Variants in SEC63 observed in about 807,000 individuals in gnomAD.
SEC63 encodes translocation protein SEC63 homolog.
SEC63 carries 56 observed loss-of-function variants against 116.2 expected under a neutral mutation model. The ratio of observed to expected loss-of-function variants is 0.48; its 90% confidence interval spans 0.39 to 0.60. SEC63 has a LOEUF of 0.60. Among genes scored for constraint, SEC63 ranks in the 20% least tolerant of loss-of-function variants. The pLI is 0.00. For missense variants in SEC63, 668 were observed against 900.0 expected (o/e 0.74, Z 3.30); for synonymous variants, 273 against 294.6 (o/e 0.93, Z 0.75).
chr6:107,933,170 A>G (rs950392107), intron 1 of SEC63, among the ~76,000 whole-genome samples: 1 of 152,186 alleles, frequency 6.6e-6, no homozygotes, highest in Non-Finnish European at 1.5e-5. Context: ...CACAAGCTAA[A>G]AAAATACAGG....
rs142078748 is a variant in SEC63, at chr6:107,914,824, T to C, written c.453-1397A>G. 3.5e-3 allele frequency among the ~76,000 whole-genome samples: 530 copies of C among 152,300 alleles called. 1 individual carries two copies. The highest frequency in any genetic ancestry group is 0.017 in the Middle Eastern group (5 of 294). ...CTGTCCCCTTCTGCCTTTGTGATTATGCAAAACAAACTGCTCTGTCCTCTA... is the reference window on the plus strand; with the variant it reads ...CTGTCCCCTTCTGCCTTTGTGATTACGCAAAACAAACTGCTCTGTCCTCTA... On this transcript the variant is annotated intron_variant, in intron 4 of 20. Coordinates refer to ENST00000369002, the MANE Select transcript of SEC63 (RefSeq NM_007214.5).
intron 1 of SEC63, among the ~76,000 whole-genome samples, chr6:107,951,037 T>C (rs754793605): frequency 6.6e-6 from 1 of 152,294 alleles, no homozygotes; most frequent in Admixed American, 6.5e-5. Flanking sequence ...TAAACAAAAT[T>C]ATGCACTTAC....
rs575290809 is a variant in SEC63 at position 107,920,206 on chromosome 6, G to A, written c.452+1591C>T. Among the ~76,000 whole-genome samples, 23 of 151,864 alleles carry A rather than the reference G, an allele frequency of 1.5e-4. No homozygotes were observed. The East Asian group carries it at 1.9e-3, about 13-fold the overall frequency. On this transcript the variant is annotated intron_variant, in intron 4 of 20. Coordinates refer to ENST00000369002, the MANE Select transcript of SEC63 (RefSeq NM_007214.5). ...TGGGAGGCCGAGGCGGGAGGATCAC[G>A]ACGTCAGGAAATCGAGACCATCCTG...
At position 107,957,986 on chromosome 6, in the gene SEC63, G is replaced by A. The variant is rs1185050144; in HGVS notation, c.24C>T (p.Tyr8=). The change falls in exon 1 of 21, where the codon TAC becomes TAT. Residue 8 remains tyrosine (Y), a synonymous_variant. Transcript: ENST00000369002. ...AGAAGAAGGTGTTCCCACTGTCATC[G>A]TACTGGAACTGCTGCCCGGCCATGG... MAGQQFQ[Y]DDSGNTFFYF... The A allele has an allele frequency of 6.2e-7, 1 of 1,613,318 alleles. No individual in the cohort carries two copies. The highest frequency in any genetic ancestry group is 8.5e-7 in the Non-Finnish European group (1 of 1,179,576).
At chr6:107,935,975 T>C (rs73499194) in intron 1 of SEC63, among the ~76,000 whole-genome samples, 6,076 of 152,276 alleles carry the variant, frequency 0.04, 396 homozygotes, top group African/African-American at 0.14. Context: ...CTTTTGAAAA[T>C]ACCACTAGTG....
At chr6:107,921,342 A>G (rs1043316923) in intron 4 of SEC63, among the ~76,000 whole-genome samples, 1 of 152,220 alleles carries the variant, frequency 6.6e-6, no homozygotes, top group Non-Finnish European at 1.5e-5. Flanking sequence ...AAATTAAATT[A>G]CCACGTTAGT....
intron 16 of SEC63, among the ~76,000 whole-genome samples, chr6:107,885,634 A>G (rs78660959): frequency 0.013 from 2,013 of 152,294 alleles, 88 homozygotes; most frequent in East Asian, 0.11. Flanking sequence ...TTTTGGGGGG[A>G]AAATTGTTAA....
At chr6:107,906,353 G>C in intron 10 of SEC63, 95 bp downstream of exon 10, 10 of 1,311,338 alleles carry the variant, frequency 7.6e-6, no homozygotes, top group Non-Finnish European at 9.9e-6. Context: ...TTTCTTTAGA[G>C]CAATGCGAGA....
At chr6:107,957,740 A>G (rs1770739352) in intron 1 of SEC63, 146 bp downstream of exon 1, 2 of 776,892 alleles carry the variant, frequency 2.6e-6, no homozygotes, top group Non-Finnish European at 3.5e-6. Context: ...GGGCCCCGCC[A>G]GTGGCGGACG....
At chr6:107,940,015 A>C (rs2114504814) in intron 1 of SEC63, among the ~76,000 whole-genome samples, 1 of 152,298 alleles carries the variant, frequency 6.6e-6, no homozygotes, top group South Asian at 2.1e-4. Context: ...TATAGGCTTC[A>C]TAAGATTACA....
chr6:107,915,083 T>A (rs1382558330), intron 4 of SEC63, among the ~76,000 whole-genome samples: 1 of 152,192 alleles, frequency 6.6e-6, no homozygotes, highest in African/African-American at 2.4e-5. Flanking sequence ...TTCAGTATAA[T>A]ACCACTTCTA....
chr6:107,952,197 G>C (rs1323405617), intron 1 of SEC63, among the ~76,000 whole-genome samples: 1 of 152,154 alleles, frequency 6.6e-6, no homozygotes, highest in Non-Finnish European at 1.5e-5. Context: ...AGCTAAACAT[G>C]TTAAGCAGAA....
chr6:107,955,285 C>G (rs1183107075), intron 1 of SEC63, among the ~76,000 whole-genome samples: 4 of 152,184 alleles, frequency 2.6e-5, no homozygotes, highest in African/African-American at 9.7e-5. Flanking sequence ...GCCTCAGCCT[C>G]CCGGGTAGCT....
intron 4 of SEC63, among the ~76,000 whole-genome samples, chr6:107,919,672 A>C (rs1787502058): frequency 6.6e-6 from 1 of 152,008 alleles, no homozygotes; most frequent in Non-Finnish European, 1.5e-5. Flanking sequence ...AATATTAAAA[A>C]TTAGCCGGGC....
chr6:107,925,223 A>C (rs1002244354), intron 2 of SEC63, among the ~76,000 whole-genome samples: 18 of 152,350 alleles, frequency 1.2e-4, no homozygotes, highest in African/African-American at 4.3e-4. Flanking sequence ...TACTGGACGC[A>C]TTAAATTAGA....
At chr6:107,943,422 C>T (rs1313177526) in intron 1 of SEC63, among the ~76,000 whole-genome samples, 2 of 152,050 alleles carry the variant, frequency 1.3e-5, no homozygotes, top group Middle Eastern at 6.3e-3. Flanking sequence ...ATACCTTTTT[C>T]TTAATTTCTT....
At chr6:107,871,954 GT>G (rs1286627488) in intron 20 of SEC63, 107 bp from the exon 21 acceptor site, 27 of 1,063,788 alleles carry the variant, frequency 2.5e-5, no homozygotes, top group African/African-American at 3.2e-5. Context: ...CAAAGAAATA[GT>G]TTTTTATGGA....
At chr6:107,896,101 C>T (rs923073301) in intron 14 of SEC63, among the ~76,000 whole-genome samples, 3 of 152,006 alleles carry the variant, frequency 2.0e-5, no homozygotes, top group Non-Finnish European at 2.9e-5. Context: ...AGGAGGCGGA[C>T]GTTGCAGTGA....
chr6:107,902,931 A>C lies in SEC63; in HGVS notation c.1122T>G (p.Val374=). The change falls in exon 12 of 21, where the codon GTT becomes GTG. Residue 374 remains valine (V), a synonymous_variant. Coordinates refer to ENST00000369002, the MANE Select transcript of SEC63 (RefSeq NM_007214.5). ...GAGACTTAAATTGCTGAAGTCCCTG[A>C]ACGGCCATCTGAGAAAGCTTCATGC... The part of the protein sequence containing the change: ...ENCMKLSQMA[V]QGLQQFKSPL... The C allele has an allele frequency of 6.2e-7, 1 of 1,614,002 alleles. No homozygotes were observed. The highest frequency in any genetic ancestry group is 8.5e-7 in the Non-Finnish European group (1 of 1,179,884).
Sources: allele counts gnomAD v4.1 joint callset (sites outside exome capture counted in the v4.1 genomes callset), GRCh38; gene constraint gnomAD v4.1.1; transcripts MANE v1.5; gene names NCBI Gene and HGNC (gene_info 2026-07-23, HGNC 2026-07-21).